RPL26L1: variants seen among roughly 807,000 people sequenced by gnomAD.
RPL26L1 encodes the protein ribosomal protein L26 like 1, also known as ribosomal protein uL24-like.
RPL26L1 carries 8 observed loss-of-function variants against 15.2 expected under a neutral mutation model. The observed-to-expected ratio is 0.53, with a 90% CI of 0.31 to 0.95. The LOEUF is 0.95. Ranked by LOEUF, RPL26L1 falls within the 40% of genes least tolerant of loss-of-function variation. The pLI, the probability that RPL26L1 is intolerant of heterozygous loss-of-function variation, is 0.05. For synonymous variants in RPL26L1, 51 were observed against 65.9 expected (o/e 0.77, Z 1.09); for missense variants, 146 against 190.9 (o/e 0.76, Z 1.39).
chr5:172,956,971 G>T, upstream of RPL26L1: 1 of 257,288 alleles, frequency 3.9e-6, no homozygotes, highest in Non-Finnish European at 7.8e-6. Flanking sequence ...CCAAACCAAT[G>T]AGGTAAGTAC....
chr5:172,959,812 C>T (rs1333065610), intron 1 of RPL26L1, 53 bp from the exon 2 acceptor site: 5 of 1,574,402 alleles, frequency 3.2e-6, no homozygotes, highest in African/African-American at 2.7e-5. Flanking sequence ...CGAGAACAGG[C>T]CCCTGTAACC....
upstream of RPL26L1, chr5:172,955,129 GTTTTTTT>G (rs58150544): frequency 4.2e-4 from 96 of 228,266 alleles, no homozygotes; most frequent in South Asian, 6.7e-4. Context: ...GCTGTGGTTA[GTTTTTTT>G]TTTTTTTTTT....
At chr5:172,967,721 C>G (rs950410939) in intron 2 of RPL26L1, among the ~76,000 whole-genome samples, 7 of 151,500 alleles carry the variant, frequency 4.6e-5, no homozygotes, top group African/African-American at 1.7e-4. Context: ...TTTTATCCCA[C>G]TGTGTCATGC....
chr5:172,964,876 T>C (rs922257351), intron 2 of RPL26L1, among the ~76,000 whole-genome samples: 2 of 152,262 alleles, frequency 1.3e-5, no homozygotes. Context: ...TTCTTTCCCT[T>C]CTGTTACAAT....
At chr5:172,967,851 A>C (rs1336073412) in intron 2 of RPL26L1, among the ~76,000 whole-genome samples, 1 of 151,694 alleles carries the variant, frequency 6.6e-6, no homozygotes, top group East Asian at 1.9e-4. Flanking sequence ...TGTATGTTAC[A>C]TATAAGTACA....
At chr5:172,954,980 G>T, upstream of RPL26L1, 1 of 456,228 alleles carries the variant, frequency 2.2e-6, no homozygotes, top group South Asian at 1.5e-5. Flanking sequence ...AGTTGCGGAA[G>T]AGGCGTCTCT....
upstream of RPL26L1, chr5:172,955,189 C>T (rs1447353133): frequency 1.8e-5 from 6 of 337,306 alleles, no homozygotes; most frequent in East Asian, 2.3e-4. Flanking sequence ...AGTGCAATGG[C>T]GCGATATCGG....
At chr5:172,962,354 A>G (rs1055838879) in intron 2 of RPL26L1, among the ~76,000 whole-genome samples, 7 of 152,098 alleles carry the variant, frequency 4.6e-5, no homozygotes, top group Non-Finnish European at 1.0e-4. Flanking sequence ...TAAAAATACA[A>G]AAAATTAGCC....
chr5:172,969,295 CAG>C, intron 3 of RPL26L1, 116 bp from the exon 4 acceptor site: 1 of 1,045,556 alleles, frequency 9.6e-7, no homozygotes, highest in African/African-American at 1.6e-5. Flanking sequence ...GTTTTCCTTC[CAG>C]AGTTTCAGTT....
At chr5:172,958,328 A>G (rs1456412307), upstream of RPL26L1, 2 of 455,098 alleles carry the variant, frequency 4.4e-6, no homozygotes, top group East Asian at 1.4e-4. Flanking sequence ...TCACCACTAC[A>G]TGTCAGGGAA....
At chr5:172,960,131 C>G in intron 2 of RPL26L1, 90 bp downstream of exon 2, 1 of 1,479,428 alleles carries the variant, frequency 6.8e-7, no homozygotes, top group Non-Finnish European at 9.4e-7. Flanking sequence ...TGCCTCAGGA[C>G]TCTGGAAAGT....
intron 2 of RPL26L1, among the ~76,000 whole-genome samples, chr5:172,961,594 C>A (rs1561755787): frequency 6.6e-6 from 1 of 152,196 alleles, no homozygotes; most frequent in Non-Finnish European, 1.5e-5. Context: ...CTCTTGGATT[C>A]TCTTCAGTCT....
At chr5:172,962,716 T>C (rs566616921) in intron 2 of RPL26L1, among the ~76,000 whole-genome samples, 1 of 146,804 alleles carries the variant, frequency 6.8e-6, no homozygotes, top group East Asian at 2.0e-4. Context: ...CTTGGGAGGC[T>C]GAGGCAGGAG....
upstream of RPL26L1, chr5:172,959,320 G>A (rs1755121032): frequency 1.0e-6 from 1 of 993,620 alleles, no homozygotes; most frequent in Admixed American, 5.3e-5. Flanking sequence ...CGCCAGGAAT[G>A]AGGCACTGAG....
chr5:172,957,430 C>T, upstream of RPL26L1: 1 of 362,762 alleles, frequency 2.8e-6, no homozygotes, highest in South Asian at 2.1e-5. Flanking sequence ...TTTCCTTCAC[C>T]AGTGAGGCTC....
At chr5:172,967,075 C>T (rs62387409) in intron 2 of RPL26L1, among the ~76,000 whole-genome samples, 6,014 of 151,796 alleles carry the variant, frequency 0.04, 192 homozygotes, top group Non-Finnish European at 0.065. Context: ...TGGATGGTCT[C>T]GATCTCTTGA....
At position 172,966,146 on chromosome 5, in the gene RPL26L1, TA is replaced by T. The variant is rs201731848; in HGVS notation, c.169-2312del. The stretch of plus-strand genomic sequence containing the variant: ...TTAAAAATTTTTTAAATTAATTTTT[TA>T]TTTTATTTTATTTTGAGACAGGATC... On this transcript the variant is annotated intron_variant, in intron 2 of 3. Transcript: ENST00000265100. Among the ~76,000 whole-genome samples, 133 of 151,610 alleles carry T rather than the reference TA, an allele frequency of 8.8e-4. 1 individual carries two copies. Among genetic ancestry groups the T allele is most frequent in the Admixed American group, 2.6e-3 (40 of 15,170 alleles).
upstream of RPL26L1, chr5:172,958,597 C>A: frequency 2.8e-6 from 1 of 352,442 alleles, no homozygotes; most frequent in South Asian, 2.0e-5. Context: ...ACGGAGGGGG[C>A]GTGGTTGATC....
chr5:172,958,838 T>TGAGAGGGGCGGGGTCTAG (rs1554115697), upstream of RPL26L1: 7 of 114,788 alleles, frequency 6.1e-5, no homozygotes, highest in Admixed American at 2.6e-4. Context: ...GGGGACTGGA[T>TGAGAGGGGCGGGGTCTAG]GAGAGGGGCG....
Sources: allele counts gnomAD v4.1 joint callset (sites outside exome capture counted in the v4.1 genomes callset), GRCh38; gene constraint gnomAD v4.1.1; transcripts MANE v1.5; gene names NCBI Gene and HGNC (gene_info 2026-07-23, HGNC 2026-07-21).